KCTD20: variants seen among roughly 807,000 people sequenced by gnomAD.
KCTD20 encodes BTB/POZ domain-containing protein KCTD20.
A neutral mutation model predicts 39.6 loss-of-function variants in KCTD20; 30 were observed. That is an observed-to-expected ratio of 0.76 (90% CI 0.57 to 1.03). The LOEUF is 1.03. Ranked by LOEUF, KCTD20 falls within the 50% of genes least tolerant of loss-of-function variation. The pLI, the probability that KCTD20 is intolerant of heterozygous loss-of-function variation, is 0.00. For synonymous variants in KCTD20, 162 were observed against 180.6 expected (o/e 0.90, Z 0.83); for missense variants, 422 against 522.0 (o/e 0.81, Z 1.87).
At chr6:36,451,447 G>T (rs1297875567) in intron 1 of KCTD20, 2 of 152,052 alleles carry the variant, frequency 1.3e-5, no homozygotes, top group Non-Finnish European at 2.9e-5. Context: ...GTTTCAACTT[G>T]CCTTTTAAAA....
Position 36,470,226 on chromosome 6 carries a change from TCTTA to T in KCTD20, c.134_137del (p.Thr45IlefsTer3). On this transcript the variant is annotated frameshift_variant, in exon 2 of 8. Coordinates refer to ENST00000373731, the MANE Select transcript of KCTD20 (RefSeq NM_173562.5). LOFTEE classifies it high-confidence loss of function. ...GCCTGGCTTCATCTGGTCCTCATAATCTTACTTATCCTCTAGGTCCCAGGAATGA... is the reference window on the plus strand; with the variant it reads ...GCCTGGCTTCATCTGGTCCTCATAATCTTATCCTCTAGGTCCCAGGAATGA... 6.2e-7 allele frequency: 1 copy of T among 1,613,724 alleles called. No homozygotes were observed. Among genetic ancestry groups the T allele is most frequent in the Non-Finnish European group, 8.5e-7 (1 of 1,179,740 alleles).
At position 36,487,189 on chromosome 6, in the gene KCTD20, T is replaced by C. The variant is rs1313790705; in HGVS notation, c.*14T>C. ...TTTCAGGATTAGGGCCAGCTGTGGG[T>C]CTACTCCTTGTTGGAGCCCATCTCA... On this transcript the variant is annotated 3_prime_UTR_variant, in exon 8 of 8. Coordinates refer to ENST00000373731, the MANE Select transcript of KCTD20 (RefSeq NM_173562.5). The C allele has an allele frequency of 2.5e-6, 4 of 1,601,748 alleles. No individual in the cohort carries two copies. Among genetic ancestry groups the C allele is most frequent in the Non-Finnish European group, 3.4e-6 (4 of 1,173,028 alleles).
chr6:36,448,025 A>G (rs1348095159), intron 1 of KCTD20, among the ~76,000 whole-genome samples: 6 of 146,244 alleles, frequency 4.1e-5, no homozygotes, highest in African/African-American at 1.3e-4. Flanking sequence ...GTATATATAT[A>G]TATATATATA....
chr6:36,465,173 G>A (rs1775708621), intron 1 of KCTD20, among the ~76,000 whole-genome samples: 1 of 151,884 alleles, frequency 6.6e-6, no homozygotes. Context: ...GTGCATGCCT[G>A]TAATCCCAGT....
In KCTD20 at chr6:36,469,923, G is replaced by GT. The variant is rs1775862474; in HGVS notation, c.-46-126dup. Reference sequence around the variant, plus strand: ...CTATCGATATAAAAATCACAAAAATGTTTAAGATGCCTATTTCTCCTGAGA... The same window carrying GT: ...CTATCGATATAAAAATCACAAAAATGTTTTAAGATGCCTATTTCTCCTGAGA... On this transcript the variant is annotated intron_variant, in intron 1 of 7. Transcript: ENST00000373731. The surrounding 1 kb of genome is among the most constrained non-coding windows in gnomAD (Gnocchi z 4.6). 1.3e-5 allele frequency: 6 copies of GT among 456,104 alleles called. No individual in the cohort carries two copies. In the East Asian group the frequency reaches 2.0e-4, roughly 15 times the overall value. The allele number at this position is 456,104 out of a possible 1,614,324, so 28.3% of individuals were successfully genotyped here. A position where few individuals can be genotyped will look rare whatever the true frequency, so the allele number is the denominator to read the frequency against.
At chr6:36,448,737 T>C (rs1187273942) in intron 1 of KCTD20, among the ~76,000 whole-genome samples, 1 of 152,220 alleles carries the variant, frequency 6.6e-6, no homozygotes, top group Non-Finnish European at 1.5e-5. Context: ...CAGTGGGTTC[T>C]TGGTCTCACT....
Position 36,474,929 on chromosome 6 carries a change from G to A in KCTD20, c.301G>A (p.Gly101Arg). 6.2e-7 allele frequency: 1 copy of A among 1,614,066 alleles called. No homozygotes were observed. Among genetic ancestry groups the A allele is most frequent in the East Asian group, 2.2e-5 (1 of 44,870 alleles). Reference protein sequence around the residue: ...HEPFIAPERFGNSSVGFGSNS... With the variant: ...HEPFIAPERFRNSSVGFGSNS... Reference sequence around the variant, plus strand: ...ACCTTTTATTGCTCCAGAAAGATTTGGAAACAGTAGTGTGGGCTTTGGCAG... The same window carrying A: ...ACCTTTTATTGCTCCAGAAAGATTTAGAAACAGTAGTGTGGGCTTTGGCAG... Residue 101 changes from glycine (G) to arginine (R), a missense_variant, in exon 3 of 8, where the codon GGA (glycine) becomes AGA (arginine). Coordinates refer to ENST00000373731, the MANE Select transcript of KCTD20 (RefSeq NM_173562.5).
intron 1 of KCTD20, among the ~76,000 whole-genome samples, chr6:36,464,981 T>C (rs1775701508): frequency 6.6e-6 from 1 of 152,182 alleles, no homozygotes; most frequent in African/African-American, 2.4e-5. Context: ...ACAAGGGTAC[T>C]GCCTTTTGAA....
rs552742265 is a variant in KCTD20, at chr6:36,462,660, A to G, written c.-46-7392A>G. ...CACTGAGGTCTCTTCTGATTCTAAA[A>G]TATCATTTCTGTATTATGTAACTCT... On this transcript the variant is annotated intron_variant, in intron 1 of 7. Transcript: ENST00000373731. Among the ~76,000 whole-genome samples, 6 of 152,348 alleles carry G rather than the reference A, an allele frequency of 3.9e-5. No individual in the cohort carries two copies. The East Asian group carries it at 1.2e-3, about 29-fold the overall frequency.
At chr6:36,459,694 C>T (rs1027388482) in intron 1 of KCTD20, among the ~76,000 whole-genome samples, 3 of 151,756 alleles carry the variant, frequency 2.0e-5, no homozygotes, top group African/African-American at 7.3e-5. Context: ...AGCTCTGTTA[C>T]TACAGTACTT....
intron 1 of KCTD20, among the ~76,000 whole-genome samples, chr6:36,465,866 T>C (rs1305417707): frequency 1.3e-5 from 2 of 152,152 alleles, no homozygotes; most frequent in Non-Finnish European, 2.9e-5. Context: ...TTTCTTTGCT[T>C]CACAGCTGTA....
intron 1 of KCTD20, among the ~76,000 whole-genome samples, chr6:36,461,937 C>G (rs1463254386): frequency 6.6e-6 from 1 of 152,144 alleles, no homozygotes; most frequent in Non-Finnish European, 1.5e-5. Context: ...AATTGTAATG[C>G]CTTCTTCTCT....
At chr6:36,475,463 G>C (rs1776036623) in intron 3 of KCTD20, among the ~76,000 whole-genome samples, 1 of 151,118 alleles carries the variant, frequency 6.6e-6, no homozygotes, top group South Asian at 2.1e-4. Context: ...AAAAAAAAAA[G>C]CATTGTATTA....
intron 1 of KCTD20, among the ~76,000 whole-genome samples, chr6:36,444,423 G>A (rs1035477483): frequency 2.0e-5 from 3 of 152,192 alleles, no homozygotes; most frequent in East Asian, 1.9e-4. Flanking sequence ...TGATTTTCAT[G>A]CATATTCCGA....
intron 1 of KCTD20, among the ~76,000 whole-genome samples, chr6:36,454,448 TCTC>T (rs1183186139): frequency 1.3e-5 from 2 of 150,966 alleles, no homozygotes; most frequent in Non-Finnish European, 2.9e-5. Flanking sequence ...TTCAAGCAAT[TCTC>T]CTGCCTCAGC....
chr6:36,468,083 T>C (rs980909789), intron 1 of KCTD20, among the ~76,000 whole-genome samples: 2 of 152,212 alleles, frequency 1.3e-5, no homozygotes, highest in Non-Finnish European at 2.9e-5. Flanking sequence ...TTTTTTGCAT[T>C]ATCTATAAGG....
At chr6:36,459,742 C>T (rs1238434137) in intron 1 of KCTD20, among the ~76,000 whole-genome samples, 1 of 152,012 alleles carries the variant, frequency 6.6e-6, no homozygotes, top group Non-Finnish European at 1.5e-5. Flanking sequence ...ACTAGATGAC[C>T]TTTATACTGT....
At chr6:36,466,076 C>CTT (rs1169041535) in intron 1 of KCTD20, among the ~76,000 whole-genome samples, 5 of 141,552 alleles carry the variant, frequency 3.5e-5, no homozygotes, top group Admixed American at 7.1e-5. Flanking sequence ...TGTTTCTTTT[C>CTT]TTTTTTTTTT....
At chr6:36,448,385 G>A (rs920977842) in intron 1 of KCTD20, among the ~76,000 whole-genome samples, 42 of 152,150 alleles carry the variant, frequency 2.8e-4, no homozygotes, top group African/African-American at 9.9e-4. Flanking sequence ...AATTTCCTTA[G>A]AATAAAACAG....
Sources: gnomAD v4.1 joint callset for allele counts (sites outside exome capture counted in the v4.1 genomes callset) on GRCh38, gnomAD v4.1.1 for gene constraint, Gnocchi (gnomAD v3.1) non-coding constraint, MANE v1.5 for transcripts, NCBI Gene and HGNC (gene_info 2026-07-23, HGNC 2026-07-21) for gene names.